The following CNTNAP2 variants were observed in gnomAD, a reference collection of about 807,000 sequenced individuals.
CNTNAP2 encodes the protein contactin-associated protein-like 2.
A neutral mutation model predicts 155.2 loss-of-function variants in CNTNAP2; 98 were observed. That is an observed-to-expected ratio of 0.63 (90% CI 0.54 to 0.75). The LOEUF (loss-of-function observed/expected upper bound fraction) is 0.75, where lower values mean the gene tolerates loss of function less well. Ranked by LOEUF, CNTNAP2 falls within the 30% of genes least tolerant of loss-of-function variation. The probability of loss-of-function intolerance (pLI) is 0.00; values close to 1 mark genes in which losing one functional copy is unlikely to be tolerated. For synonymous variants in CNTNAP2, 651 were observed against 631.2 expected, an observed-to-expected ratio of 1.03 and a Z score of -0.47; for missense variants, 1,727 against 1,688.1, an observed-to-expected ratio of 1.02 and a Z score of -0.40.
intron 15 of CNTNAP2, among the ~76,000 whole-genome samples, chr7:148,034,648 C>T (rs2707583): frequency 0.36 from 53,983 of 151,906 alleles, 10,293 homozygotes; most frequent in East Asian, 0.75. Context: ...CCAGAGAGAG[C>T]AGTGTTGCTA....
intron 4 of CNTNAP2, among the ~76,000 whole-genome samples, chr7:147,075,560 A>G (rs1441352485): frequency 6.6e-6 from 1 of 152,204 alleles, no homozygotes; most frequent in African/African-American, 2.4e-5. Flanking sequence ...AACAATAATA[A>G]TAGTATATGA....
At chr7:146,351,442 C>G (rs978720825) in intron 1 of CNTNAP2, among the ~76,000 whole-genome samples, 1 of 151,942 alleles carries the variant, frequency 6.6e-6, no homozygotes, top group Non-Finnish European at 1.5e-5. Context: ...GTAAGAATTT[C>G]AAAACAGCAA....
At chr7:147,356,379 G>C (rs868734940) in intron 9 of CNTNAP2, among the ~76,000 whole-genome samples, 20 of 152,070 alleles carry the variant, frequency 1.3e-4, no homozygotes, top group African/African-American at 4.3e-4. Flanking sequence ...GCACAAGACA[G>C]GGATGGCCTC....
chr7:146,758,463 T>C (rs1802030047), intron 1 of CNTNAP2, among the ~76,000 whole-genome samples: 1 of 152,166 alleles, frequency 6.6e-6, no homozygotes, highest in Middle Eastern at 3.4e-3. Context: ...TTGGTGATTT[T>C]CATGCTGCTG....
intron 21 of CNTNAP2, among the ~76,000 whole-genome samples, chr7:148,296,545 CAAAAA>C (rs143609414): frequency 0.26 from 20,085 of 76,754 alleles, 2,111 homozygotes; most frequent in Admixed American, 0.46. Context: ...GACTCTGTCT[CAAAAA>C]AAAAAAAAAA....
intron 1 of CNTNAP2, among the ~76,000 whole-genome samples, chr7:146,584,627 C>CATT (rs1798659571): frequency 6.6e-6 from 1 of 152,108 alleles, no homozygotes; most frequent in Non-Finnish European, 1.5e-5. Flanking sequence ...GAAGAGAGTG[C>CATT]ATTATTTCCA....
chr7:147,107,697 T>C (rs1800794271), intron 4 of CNTNAP2, among the ~76,000 whole-genome samples: 1 of 152,146 alleles, frequency 6.6e-6, no homozygotes, highest in South Asian at 2.1e-4. Flanking sequence ...AAAGATTACA[T>C]TCCAAGTGCC....
chr7:147,926,135 A>C (rs556895183), intron 14 of CNTNAP2, among the ~76,000 whole-genome samples: 2 of 152,200 alleles, frequency 1.3e-5, no homozygotes, highest in Non-Finnish European at 2.9e-5. Context: ...ACCTTCTTCA[A>C]ATGGAGTCTT....
intron 1 of CNTNAP2, among the ~76,000 whole-genome samples, chr7:146,537,169 C>A (rs1797881882): frequency 6.6e-6 from 1 of 152,010 alleles, no homozygotes; most frequent in Admixed American, 6.6e-5. Context: ...CTGAAATATA[C>A]ATGACAATAT....
intron 1 of CNTNAP2, among the ~76,000 whole-genome samples, chr7:146,722,406 ATGT>A (rs1461117738): frequency 6.6e-6 from 1 of 152,138 alleles, no homozygotes; most frequent in African/African-American, 2.4e-5. Flanking sequence ...TGTGTCTAAC[ATGT>A]TGTAGTAGTG....
In CNTNAP2 at chr7:146,402,597, A is replaced by G. The variant is rs189680017; in HGVS notation, c.97+285624A>G. Among the ~76,000 whole-genome samples the G allele has an allele frequency of 8.5e-5, 13 of 152,254 alleles. No homozygotes were observed. In the East Asian group the frequency reaches 2.5e-3, roughly 29 times the overall value. On this transcript the variant is annotated intron_variant, in intron 1 of 23. Transcript: ENST00000361727. ...GAAGTAAGCAAATAATTATAACACAAAGTGATAAGTCTTTAAGTACAGTAT... is the reference window on the plus strand; with the variant it reads ...GAAGTAAGCAAATAATTATAACACAGAGTGATAAGTCTTTAAGTACAGTAT...
chr7:146,128,448 T>C (rs73736891), intron 1 of CNTNAP2, among the ~76,000 whole-genome samples: 2,886 of 152,270 alleles, frequency 0.019, 77 homozygotes, highest in African/African-American at 0.06. Flanking sequence ...GTAGTTCTAG[T>C]TGGGCTTCTC....
rs989457401 is a variant in CNTNAP2 at position 147,606,409 on chromosome 7, C to A, written c.1898-32697C>A. On this transcript the variant is annotated intron_variant, in intron 12 of 23. Coordinates refer to ENST00000361727, the MANE Select transcript of CNTNAP2 (RefSeq NM_014141.6). ...AGGATCTGCTGAAATCTTTTTAATT[C>A]CGAAATCAGAGATTTGCTAGCTTAG... Among the ~76,000 whole-genome samples, 5 of 152,122 alleles carry A rather than the reference C, an allele frequency of 3.3e-5. No individual in the cohort carries two copies. In the East Asian group the frequency reaches 7.7e-4, roughly 24 times the overall value.
intron 10 of CNTNAP2, among the ~76,000 whole-genome samples, chr7:147,460,303 C>T (rs895657957): frequency 6.6e-6 from 1 of 151,978 alleles, no homozygotes; most frequent in African/African-American, 2.4e-5. Flanking sequence ...GTGGGTAAAT[C>T]ATCCCTGCCA....
intron 1 of CNTNAP2, among the ~76,000 whole-genome samples, chr7:146,456,478 T>A (rs767684399): frequency 3.3e-5 from 5 of 152,148 alleles, no homozygotes; most frequent in Non-Finnish European, 7.3e-5. Context: ...GAAAACTTCC[T>A]CTGCTTGGGC....
At chr7:148,090,738 A>C (rs118150970) in intron 15 of CNTNAP2, among the ~76,000 whole-genome samples, 163 of 152,216 alleles carry the variant, frequency 1.1e-3, no homozygotes, top group Middle Eastern at 6.8e-3. Context: ...CAGCAATCCC[A>C]CTATTGGCTA....
intron 1 of CNTNAP2, among the ~76,000 whole-genome samples, chr7:146,595,556 C>T (rs1798847698): frequency 6.6e-6 from 1 of 152,010 alleles, no homozygotes; most frequent in South Asian, 2.1e-4. Flanking sequence ...TACAATTTCT[C>T]ATAGCCTCTG....
At chr7:146,175,052 T>C (rs1425051276) in intron 1 of CNTNAP2, among the ~76,000 whole-genome samples, 2 of 152,140 alleles carry the variant, frequency 1.3e-5, no homozygotes, top group Non-Finnish European at 2.9e-5. Context: ...ATTCATTCAA[T>C]ATGAATTTAT....
At chr7:146,581,871 C>T (rs954531276) in intron 1 of CNTNAP2, among the ~76,000 whole-genome samples, 2 of 151,746 alleles carry the variant, frequency 1.3e-5, no homozygotes, top group Non-Finnish European at 2.9e-5. Context: ...TTTGTCAATG[C>T]TTTTTTTTCT....
Sources: allele counts gnomAD v4.1 joint callset (sites outside exome capture counted in the v4.1 genomes callset), GRCh38; gene constraint gnomAD v4.1.1; transcripts MANE v1.5; gene names NCBI Gene and HGNC (gene_info 2026-07-23, HGNC 2026-07-21).